The following IL1RAPL1 variants were observed in gnomAD, a reference collection of about 807,000 sequenced individuals.
IL1RAPL1 encodes the protein interleukin 1 receptor accessory protein like 1.
Under a neutral mutation model 48.4 loss-of-function variants are expected in IL1RAPL1, and 3 were observed. That is an observed-to-expected ratio of 0.06 (90% CI 0.03 to 0.16). The LOEUF is 0.16. Among genes scored for constraint, IL1RAPL1 ranks in the 10% least tolerant of loss-of-function variants. The pLI is 1.00. For missense variants in IL1RAPL1, 349 were observed against 530.6 expected (o/e 0.66, Z 3.36); for synonymous variants, 185 against 187.7 (o/e 0.99, Z 0.12).
chrX:28,824,488 C>T (rs1349524312), intron 2 of IL1RAPL1, among the ~76,000 whole-genome samples: 1 of 110,580 alleles, frequency 9.0e-6, no homozygotes, highest in Non-Finnish European at 1.9e-5. Context: ...CTGCCCTTCC[C>T]CCTATTGAAT....
intron 1 of IL1RAPL1, among the ~76,000 whole-genome samples, chrX:28,721,915 A>T (rs1461575610): frequency 9.1e-6 from 1 of 109,807 alleles, no homozygotes; most frequent in Non-Finnish European, 1.9e-5. Context: ...AGATGTGTGG[A>T]ATTATTTCTG....
At chrX:29,008,481 C>T (rs1926044250) in intron 2 of IL1RAPL1, among the ~76,000 whole-genome samples, 1 of 111,825 alleles carries the variant, frequency 8.9e-6, no homozygotes, top group African/African-American at 3.2e-5. Context: ...TGGCCCGGGC[C>T]AGATAATTTT....
At chrX:29,407,603 C>G (rs937533539) in intron 5 of IL1RAPL1, among the ~76,000 whole-genome samples, 2 of 111,484 alleles carry the variant, frequency 1.8e-5, no homozygotes, top group Non-Finnish European at 3.8e-5. Flanking sequence ...TATATACACA[C>G]AAACACTTAC....
intron 2 of IL1RAPL1, among the ~76,000 whole-genome samples, chrX:29,079,183 G>T (rs1385676298): frequency 9.0e-6 from 1 of 111,120 alleles, no homozygotes; most frequent in East Asian, 2.8e-4. Flanking sequence ...CCTATTATGG[G>T]GGGCATATTT....
Position 29,580,005 on chromosome X carries a change from A to G in IL1RAPL1, c.704-88425A>G, listed in dbSNP as rs571850567. ...ATATTGTCACTTTATATAGGCCACT[A>G]GACTGTGAAATAAAATCAGATAAAG... On this transcript the variant is annotated intron_variant, in intron 5 of 10. Coordinates refer to ENST00000378993, the MANE Select transcript of IL1RAPL1 (RefSeq NM_014271.4). Among the ~76,000 whole-genome samples, 32 of 111,631 alleles carry G rather than the reference A, an allele frequency of 2.9e-4. No homozygotes were observed. The South Asian group carries it at 0.01, about 35-fold the overall frequency.
chrX:28,792,306 A>T (rs1936547003), intron 2 of IL1RAPL1, among the ~76,000 whole-genome samples: 1 of 111,469 alleles, frequency 9.0e-6, no homozygotes, highest in African/African-American at 3.3e-5. Flanking sequence ...TTTTAATGGC[A>T]TGTTAATTTT....
intron 2 of IL1RAPL1, among the ~76,000 whole-genome samples, chrX:28,794,466 A>T (rs1293374353): frequency 8.9e-6 from 1 of 111,866 alleles, no homozygotes; most frequent in Admixed American, 9.5e-5. Context: ...TATAGGAAAA[A>T]AGTATTCACA....
At chrX:28,686,330 AC>A (rs1478031772) in intron 1 of IL1RAPL1, among the ~76,000 whole-genome samples, 11 of 112,050 alleles carry the variant, frequency 9.8e-5, no homozygotes, top group African/African-American at 2.9e-4. Flanking sequence ...TTTGATTATC[AC>A]CCACTTAATT....
At chrX:29,786,178 T>C (rs1326760100) in intron 6 of IL1RAPL1, among the ~76,000 whole-genome samples, 1 of 110,907 alleles carries the variant, frequency 9.0e-6, no homozygotes, top group Non-Finnish European at 1.9e-5. Context: ...GCCAGACTGT[T>C]CCAGGCATTG....
chrX:28,690,088 G>C (rs1935159474), intron 1 of IL1RAPL1, among the ~76,000 whole-genome samples: 1 of 110,937 alleles, frequency 9.0e-6, no homozygotes, highest in African/African-American at 3.3e-5. Flanking sequence ...CCATTGGGAG[G>C]TACTCATGGC....
chrX:29,260,902 A>G (rs1931845115), intron 2 of IL1RAPL1, among the ~76,000 whole-genome samples: 1 of 107,641 alleles, frequency 9.3e-6, no homozygotes, highest in African/African-American at 3.3e-5. Flanking sequence ...CAGTAAAAAT[A>G]ATATAGTAAA....
chrX:28,845,961 G>T (rs2147294312), intron 2 of IL1RAPL1, among the ~76,000 whole-genome samples: 1 of 111,547 alleles, frequency 9.0e-6, no homozygotes, highest in East Asian at 2.9e-4. Context: ...AAAGTCCATA[G>T]TTTTCACTAG....
chrX:29,899,598 C>T (rs1405915564), intron 6 of IL1RAPL1, among the ~76,000 whole-genome samples: 1 of 106,688 alleles, frequency 9.4e-6, no homozygotes, highest in Admixed American at 1.0e-4. Context: ...GGCTGGAGTG[C>T]AGTGGCGCGA....
chrX:29,918,719 A>ATGAT (rs746978635), intron 7 of IL1RAPL1, among the ~76,000 whole-genome samples: 47 of 111,411 alleles, frequency 4.2e-4, no homozygotes, highest in Non-Finnish European at 3.8e-4. Context: ...TATAGTGGGA[A>ATGAT]TGATAACATG....
chrX:29,907,279 GT>G (rs1221619382), intron 6 of IL1RAPL1, among the ~76,000 whole-genome samples: 1 of 110,954 alleles, frequency 9.0e-6, no homozygotes, highest in Non-Finnish European at 1.9e-5. Flanking sequence ...TAATCATTCT[GT>G]TTTTTCTTTG....
intron 5 of IL1RAPL1, among the ~76,000 whole-genome samples, chrX:29,646,288 A>C (rs1250097558): frequency 8.9e-6 from 1 of 112,356 alleles, no homozygotes; most frequent in Non-Finnish European, 1.9e-5. Context: ...GAAACCCTGG[A>C]ACTGAAAGAT....
intron 7 of IL1RAPL1, among the ~76,000 whole-genome samples, chrX:29,918,123 C>CAAAAAAAAAAAAAAAAA (rs781348669): frequency 1.3e-4 from 1 of 7,816 alleles, no homozygotes; most frequent in African/African-American, 6.5e-4. Flanking sequence ...ACTCTGTCTC[C>CAAAAAAAAAAAAAAAAA]AAAAAAAAAA....
At chrX:29,827,684 T>G (rs902447974) in intron 6 of IL1RAPL1, among the ~76,000 whole-genome samples, 6 of 112,502 alleles carry the variant, frequency 5.3e-5, no homozygotes, top group Admixed American at 9.4e-5. Context: ...GCTCAATACT[T>G]AGGGCTGGCC....
At chrX:29,808,686 C>A (rs750021736) in intron 6 of IL1RAPL1, among the ~76,000 whole-genome samples, 2 of 111,347 alleles carry the variant, frequency 1.8e-5, no homozygotes, top group Middle Eastern at 9.4e-3. Context: ...CATATTCTGT[C>A]AAATATTAAT....
Sources: allele counts gnomAD v4.1 joint callset (sites outside exome capture counted in the v4.1 genomes callset), GRCh38; gene constraint gnomAD v4.1.1; transcripts MANE v1.5; gene names NCBI Gene and HGNC (gene_info 2026-07-23, HGNC 2026-07-21).